The following HNRNPUL2 variants were observed in gnomAD, a reference collection of about 807,000 sequenced individuals.
HNRNPUL2 encodes heterogeneous nuclear ribonucleoprotein U like 2.
Under a neutral mutation model 102.2 loss-of-function variants are expected in HNRNPUL2, and 27 were observed. That is an observed-to-expected ratio of 0.26 (90% CI 0.19 to 0.36). The LOEUF (loss-of-function observed/expected upper bound fraction) is 0.36, where lower values mean the gene tolerates loss of function less well. Among genes scored for constraint, HNRNPUL2 ranks in the 10% least tolerant of loss-of-function variants. The pLI, the probability that HNRNPUL2 is intolerant of heterozygous loss-of-function variation, is 1.00. For missense variants in HNRNPUL2, 936 were observed against 981.1 expected (o/e 0.95, Z 0.61); for synonymous variants, 458 against 387.2 (o/e 1.18, Z -2.15).
intron 4 of HNRNPUL2, among the ~76,000 whole-genome samples, 167 bp downstream of exon 4, chr11:62,723,420 G>A (rs2083719149): frequency 6.6e-6 from 1 of 152,184 alleles, no homozygotes; most frequent in South Asian, 2.1e-4. Flanking sequence ...CAACCCAGGA[G>A]GCAGAGGCTG....
intron 9 of HNRNPUL2, among the ~76,000 whole-genome samples, chr11:62,720,692 G>A (rs2083695092): frequency 6.6e-6 from 1 of 151,570 alleles, no homozygotes; most frequent in African/African-American, 2.4e-5. Context: ...ATGAAACCCT[G>A]TCTCTACTAA....
rs920157062 is a variant in HNRNPUL2, at chr11:62,715,117, G to A, written c.*182C>T. 2 of 541,688 alleles carry A rather than the reference G, an allele frequency of 3.7e-6. No homozygotes were observed. Among genetic ancestry groups the A allele is most frequent in the Admixed American group, 6.5e-5 (2 of 30,596 alleles). The allele number at this position is 541,688 out of a possible 1,614,324, so 33.6% of individuals were successfully genotyped here. ...AACTTTAAAAAAAATGTACAGTTTTGTTGTTTGTTTCCACCTCCCCCCTCC... is the reference window on the plus strand; with the variant it reads ...AACTTTAAAAAAAATGTACAGTTTTATTGTTTGTTTCCACCTCCCCCCTCC... On this transcript the variant is annotated 3_prime_UTR_variant, in exon 14 of 14. Transcript: ENST00000301785.
rs913430292 is a variant in HNRNPUL2, at chr11:62,717,238, G to A, written c.1781-49C>T. On this transcript the variant is annotated intron_variant, in intron 10 of 13. Transcript: ENST00000301785. ...GTGGGCCTGAAAAGTGCATAGATGG[G>A]TAAGAACTCATTATGAAAACTCTAC... The A allele has an allele frequency of 1.4e-5, 20 of 1,387,702 alleles. No individual in the cohort carries two copies. In the East Asian group the frequency reaches 4.6e-4, roughly 32 times the overall value. The allele number at this position is 1,387,702 out of a possible 1,614,324, so 86.0% of individuals were successfully genotyped here.
rs1269708192 is a variant in HNRNPUL2, at chr11:62,727,320, C to G, written c.-164G>C. ...CGCAGGAGCGGAGGCCGCGCACGGTCCCGCTGCGCAGTGTTTGCTTCTCCT... is the reference window on the plus strand; with the variant it reads ...CGCAGGAGCGGAGGCCGCGCACGGTGCCGCTGCGCAGTGTTTGCTTCTCCT... On this transcript the variant is annotated 5_prime_UTR_variant, in exon 1 of 14. Coordinates refer to ENST00000301785, the MANE Select transcript of HNRNPUL2 (RefSeq NM_001079559.3). 2.3e-6 allele frequency: 2 copies of G among 882,970 alleles called. No individual in the cohort carries two copies. Among genetic ancestry groups the G allele is most frequent in the African/African-American group, 1.8e-5 (1 of 56,570 alleles). 54.7% of individuals were successfully genotyped at this position (882,970 alleles called of 1,614,324 possible). A position where few individuals can be genotyped will look rare whatever the true frequency, so the allele number is the denominator to read the frequency against.
At chr11:62,719,989 G>A in intron 10 of HNRNPUL2, 34 bp downstream of exon 10, 1 of 1,589,532 alleles carries the variant, frequency 6.3e-7, no homozygotes, top group South Asian at 1.1e-5. Context: ...ATGGTATTCT[G>A]TTATAGCAGC....
intron 8 of HNRNPUL2, 115 bp from the exon 9 acceptor site, chr11:62,721,538 A>C: frequency 2.0e-6 from 2 of 1,001,474 alleles, no homozygotes; most frequent in East Asian, 4.8e-5. Flanking sequence ...CTATGATATC[A>C]CTCTATTCCC....
rs551198093 is a variant in HNRNPUL2, at chr11:62,715,701, G to A, written c.2056-94C>T. ...TTTTAAATGCGACACATCTTAGCTC[G>A]ATATTATAAATTGGTTTAATTTTCC... is the stretch of plus-strand genomic sequence containing the variant. On this transcript the variant is annotated intron_variant, in intron 12 of 13. Coordinates refer to ENST00000301785, the MANE Select transcript of HNRNPUL2 (RefSeq NM_001079559.3). 144 of 1,130,666 alleles carry A rather than the reference G, an allele frequency of 1.3e-4. No homozygotes were observed. The African/African-American group carries it at 1.8e-3, about 14-fold the overall frequency. 70.0% of individuals were successfully genotyped at this position (1,130,666 alleles called of 1,614,324 possible). A position where few individuals can be genotyped will look rare whatever the true frequency, so the allele number is the denominator to read the frequency against.
chr11:62,719,187 T>C (rs1202097267), intron 10 of HNRNPUL2, among the ~76,000 whole-genome samples: 1 of 152,154 alleles, frequency 6.6e-6, no homozygotes, highest in Non-Finnish European at 1.5e-5. Flanking sequence ...CAGCGGCGTA[T>C]GCCTATAATC....
In HNRNPUL2 at chr11:62,725,666, T is replaced by C. The variant is rs530476350; in HGVS notation, c.538+953A>G. 1.2e-4 allele frequency among the ~76,000 whole-genome samples: 19 copies of C among 152,316 alleles called. No homozygotes were observed. In the South Asian group the frequency reaches 3.5e-3, roughly 28 times the overall value. On this transcript the variant is annotated intron_variant, in intron 1 of 13. Transcript: ENST00000301785. ...ACTCTCCATAGTGGCCTAAAAATATTACTAACAAAAGAACTGAGGCCACCC... is the reference window on the plus strand; with the variant it reads ...ACTCTCCATAGTGGCCTAAAAATATCACTAACAAAAGAACTGAGGCCACCC...
rs1355081320 is a variant in HNRNPUL2, at chr11:62,722,173, G to C, written c.1303C>G (p.Pro435Ala). The stretch of plus-strand genomic sequence containing the variant: ...GCAGTGCGTACACGCTCCTCAACAG[G>C]CACAGCATGAATGAACACAAACTCT... ...PEEFVFIHAVPVEERVRTAVP... is the reference protein window; with the variant it reads ...PEEFVFIHAVAVEERVRTAVP... The change falls in exon 7 of 14, where the codon CCT becomes GCT. Residue 435 changes from proline to alanine, a missense_variant. By Grantham distance (27) the Pro-to-Ala change is conservative. Coordinates refer to ENST00000301785, the MANE Select transcript of HNRNPUL2 (RefSeq NM_001079559.3). 6.2e-7 allele frequency: 1 copy of C among 1,614,048 alleles called. No individual in the cohort carries two copies. Among genetic ancestry groups the C allele is most frequent in the Admixed American group, 1.7e-5 (1 of 60,014 alleles).
At chr11:62,722,472 G>T in intron 6 of HNRNPUL2, 92 bp from the exon 7 acceptor site, 1 of 1,501,756 alleles carries the variant, frequency 6.7e-7, no homozygotes, top group Non-Finnish European at 9.2e-7. Flanking sequence ...ACAGACTGCT[G>T]CACAAAGTAA....
chr11:62,726,935 G>C lies in HNRNPUL2; in HGVS notation c.222C>G (p.Asp74Glu). The change falls in exon 1 of 14, where the codon GAC (aspartate) becomes GAG (glutamate). Residue 74 changes from aspartate (D) to glutamate (E), a missense_variant. By Grantham distance (45) the Asp-to-Glu change is conservative (BLOSUM62 2). Around this residue, in one of 2 missense-constraint regions of HNRNPUL2, gnomAD observed 327 missense variants for 268.1 expected, o/e 1.22. Coordinates refer to ENST00000301785, the MANE Select transcript of HNRNPUL2 (RefSeq NM_001079559.3). ...VAASGGGPGG[D>E]EEEDEEEEEE... ...CCTCCTCCTCTTCGTCCTCCTCCTC[G>C]TCCCCGCCCGGGCCGCCGCCCGACG... 6.7e-7 allele frequency: 1 copy of C among 1,490,388 alleles called. No homozygotes were observed. Among genetic ancestry groups the C allele is most frequent in the East Asian group, 2.8e-5 (1 of 35,680 alleles). 92.3% of individuals were successfully genotyped at this position (1,490,388 alleles called of 1,614,324 possible). A position where few individuals can be genotyped will look rare whatever the true frequency, so the allele number is the denominator to read the frequency against.
chr11:62,726,020 A>G (rs2083742554), intron 1 of HNRNPUL2, among the ~76,000 whole-genome samples: 1 of 152,200 alleles, frequency 6.6e-6, no homozygotes, highest in African/African-American at 2.4e-5. Context: ...ACTAACTCTA[A>G]ATGAACTAGA....
chr11:62,727,049 C>A lies in HNRNPUL2; in HGVS notation c.108G>T (p.Ala36=), dbSNP rs1389595586. The stretch of plus-strand genomic sequence containing the variant: ...CGTCCTCGAGCATCTCGGCGTCCAG[C>A]GCCTCCTGCAGCCGCTGCGCCAGAT... The part of the protein sequence containing the change: ...KVDLAQRLQE[A]LDAEMLEDEA... Residue 36 remains alanine (A), a synonymous_variant, in exon 1 of 14, where the codon GCG becomes GCT. Transcript: ENST00000301785. 9 of 1,418,592 alleles carry A rather than the reference C, an allele frequency of 6.3e-6. No individual in the cohort carries two copies. Among genetic ancestry groups the A allele is most frequent in the African/African-American group, 5.9e-5 (4 of 67,230 alleles). 87.9% of individuals were successfully genotyped at this position (1,418,592 alleles called of 1,614,324 possible).
intron 1 of HNRNPUL2, among the ~76,000 whole-genome samples, chr11:62,725,412 C>A (rs2083737790): frequency 6.6e-6 from 1 of 152,206 alleles, no homozygotes; most frequent in Non-Finnish European, 1.5e-5. Context: ...GTTGACCAGG[C>A]TGGTCTCAAA....
At chr11:62,720,300 C>G (rs1321841963) in intron 9 of HNRNPUL2, 109 bp from the exon 10 acceptor site, 2 of 1,011,354 alleles carry the variant, frequency 2.0e-6, no homozygotes, top group Non-Finnish European at 3.0e-6. Flanking sequence ...AATCCTAGCA[C>G]TTTGGGAGGC....
chr11:62,718,393 T>G (rs756534177), intron 10 of HNRNPUL2, among the ~76,000 whole-genome samples: 1 of 152,114 alleles, frequency 6.6e-6, no homozygotes, highest in Non-Finnish European at 1.5e-5. Flanking sequence ...CATATTTTAA[T>G]CTGAACCATA....
chr11:62,721,284 C>G lies in HNRNPUL2; in HGVS notation c.1611+11G>C, dbSNP rs1248582196. The stretch of plus-strand genomic sequence containing the variant: ...CCACCTTGACTCTAGGCAATTTTAT[C>G]AGATTAATACCTGATCAAGAATAAA... On this transcript the variant is annotated intron_variant, in intron 9 of 13. Transcript: ENST00000301785. 6.3e-7 allele frequency: 1 copy of G among 1,595,876 alleles called. No homozygotes were observed. Among genetic ancestry groups the G allele is most frequent in the Non-Finnish European group, 8.5e-7 (1 of 1,174,716 alleles).
intron 1 of HNRNPUL2, among the ~76,000 whole-genome samples, chr11:62,724,952 T>A (rs2083733149): frequency 1.3e-5 from 2 of 152,208 alleles, no homozygotes; most frequent in African/African-American, 4.8e-5. Flanking sequence ...TGGACTCAAG[T>A]GCATTATACA....
Sources: gnomAD v4.1 joint callset for allele counts (sites outside exome capture counted in the v4.1 genomes callset) on GRCh38, gnomAD v4.1.1 for gene constraint, gnomAD v4.1.1 regional missense constraint, MANE v1.5 for transcripts, NCBI Gene and HGNC (gene_info 2026-07-23, HGNC 2026-07-21) for gene names.